The following FAM151A variants were observed in gnomAD, a reference collection of about 807,000 sequenced individuals.
The protein encoded by FAM151A is family with sequence similarity 151 member A.
FAM151A carries 41 observed loss-of-function variants against 40.4 expected under a neutral mutation model. The observed-to-expected ratio is 1.01, with a 90% CI of 0.79 to 1.32. FAM151A has a LOEUF of 1.32. Ranked by LOEUF, FAM151A falls within the 40% of genes most tolerant of loss-of-function variation. The pLI is 0.00. For synonymous variants in FAM151A, 337 were observed against 312.5 expected, an observed-to-expected ratio of 1.08 and a Z score of -0.83; for missense variants, 740 against 740.4, an observed-to-expected ratio of 1.00 and a Z score of 0.01.
chr1:54,616,217 A>G, intron 2 of FAM151A, 45 bp from the exon 3 acceptor site: 1 of 1,537,228 alleles, frequency 6.5e-7, no homozygotes, highest in African/African-American at 1.4e-5. Context: ...TTTTAAAAAA[A>G]GAAAACTTCT....
At chr1:54,621,532 G>T (rs950203077) in intron 1 of FAM151A, 2 of 152,140 alleles carry the variant, frequency 1.3e-5, no homozygotes, top group African/African-American at 4.8e-5. Context: ...GGTTGTGAAT[G>T]GCCTCGAACT....
At chr1:54,619,732 A>G in intron 2 of FAM151A, 132 bp downstream of exon 2, 2 of 929,358 alleles carry the variant, frequency 2.2e-6, no homozygotes, top group Admixed American at 2.3e-5. Context: ...CTGAGCCCCT[A>G]TTTCCTCATG....
rs1277305797 is a variant in FAM151A at position 54,622,021 on chromosome 1, C to A, written c.118+1257G>T. Reference sequence around the variant, plus strand: ...AGGCACAGTGGCTCATGCCTGTAATCCCAGCACTTTGGGAGGCCAAGGTGG... The same window carrying A: ...AGGCACAGTGGCTCATGCCTGTAATACCAGCACTTTGGGAGGCCAAGGTGG... On this transcript the variant is annotated intron_variant, in intron 1 of 7. Coordinates refer to ENST00000302250, the MANE Select transcript of FAM151A (RefSeq NM_176782.3). Among the ~76,000 whole-genome samples, 3 of 152,142 alleles carry A rather than the reference C, an allele frequency of 2.0e-5. No homozygotes were observed. The East Asian group carries it at 5.8e-4, about 29-fold the overall frequency.
Position 54,619,903 on chromosome 1 carries a change from C to A in FAM151A, c.223G>T (p.Ala75Ser), listed in dbSNP as rs745746159. Reference protein sequence around the residue: ...RDALEVTWYHAANSKKAMTAA... With the variant: ...RDALEVTWYHSANSKKAMTAA... Reference sequence around the variant, plus strand: ...GTCATGGCTTTCTTGCTGTTGGCTGCGTGGTACCAGGTGACCTCCAAGGCA... The same window carrying A: ...GTCATGGCTTTCTTGCTGTTGGCTGAGTGGTACCAGGTGACCTCCAAGGCA... Residue 75 changes from alanine (A) to serine (S), a missense_variant, in exon 2 of 8, where the codon GCA becomes TCA. Ala to Ser is a moderately conservative substitution (Grantham distance 99, BLOSUM62 1). Coordinates refer to ENST00000302250, the MANE Select transcript of FAM151A (RefSeq NM_176782.3). The A allele has an allele frequency of 4.3e-6, 7 of 1,614,122 alleles. No individual in the cohort carries two copies. In the East Asian group the frequency reaches 1.6e-4, roughly 36 times the overall value.
In FAM151A at chr1:54,610,441, C is replaced by A; in HGVS notation, c.1055G>T (p.Ser352Ile). The A allele has an allele frequency of 1.2e-6, 2 of 1,613,618 alleles. No homozygotes were observed. The highest frequency in any genetic ancestry group is 1.7e-6 in the Non-Finnish European group (2 of 1,179,718). The change falls in exon 7 of 8, where the codon AGC (serine) becomes ATC (isoleucine). Residue 352 changes from serine (S) to isoleucine (I), a missense_variant. Transcript: ENST00000302250. ...VEWLVPDVQG[S>I]GKTATMTLPD... ...GAGGGTCATTGTTGCTGTTTTACCG[C>A]TGCCCTGGACGTCAGGAACCAGCCA... is the stretch of plus-strand genomic sequence containing the variant.
Position 54,619,979 on chromosome 1 carries a change from A to G in FAM151A, c.147T>C (p.Asp49=), listed in dbSNP as rs905624780. 6.2e-7 allele frequency: 1 copy of G among 1,614,130 alleles called. No homozygotes were observed. Among genetic ancestry groups the G allele is most frequent in the Non-Finnish European group, 8.5e-7 (1 of 1,180,016 alleles). ...TCAGCAGGTAGTCCAGCATGTCGGC[A>G]TCAGGGCTGCAGGCCTCCAGCTCAC... is the stretch of plus-strand genomic sequence containing the variant. ...PGCELEACSP[D]ADMLDYLLSL... Residue 49 remains aspartate, a synonymous_variant, in exon 2 of 8, where the codon GAT becomes GAC. Coordinates refer to ENST00000302250, the MANE Select transcript of FAM151A (RefSeq NM_176782.3).
intron 6 of FAM151A, 48 bp from the exon 7 acceptor site, chr1:54,610,603 C>A: frequency 6.3e-7 from 1 of 1,590,360 alleles, no homozygotes; most frequent in South Asian, 1.1e-5. Context: ...ATTCACAGAA[C>A]ACCTTACCTG....
intron 7 of FAM151A, 31 bp from the exon 8 acceptor site, chr1:54,609,972 A>G (rs1272410777): frequency 6.3e-7 from 1 of 1,583,898 alleles, no homozygotes; most frequent in Non-Finnish European, 8.5e-7. Context: ...AACAGTGTTT[A>G]GGATTTGGGT....
rs374971961 is a variant in FAM151A, at chr1:54,609,263, G to T, written c.*5C>A. 2 of 1,600,692 alleles carry T rather than the reference G, an allele frequency of 1.2e-6. No individual in the cohort carries two copies. Among genetic ancestry groups the T allele is most frequent in the East Asian group, 4.5e-5 (2 of 44,636 alleles). On this transcript the variant is annotated 3_prime_UTR_variant, in exon 8 of 8. Transcript: ENST00000302250. ...GAGGTCCGCTGGCCCACCACCCCTG[G>T]GTGCTCAGTTTCTACCAACATGAGC...
At chr1:54,612,159 G>T (rs1454812500) in intron 5 of FAM151A, among the ~76,000 whole-genome samples, 1 of 151,828 alleles carries the variant, frequency 6.6e-6, no homozygotes, top group East Asian at 1.9e-4. Context: ...GCTATCCTAG[G>T]GCAGGGGTTA....
At chr1:54,623,048 T>A (rs528886898) in intron 1 of FAM151A, among the ~76,000 whole-genome samples, 1 of 150,528 alleles carries the variant, frequency 6.6e-6, no homozygotes, top group African/African-American at 2.4e-5. Flanking sequence ...TGGTGGCGGG[T>A]GCCTGTAATC....
Position 54,609,294 on chromosome 1 carries a change from A to C in FAM151A, c.1732T>G (p.Leu578Val), listed in dbSNP as rs200568107. Reference protein sequence around the residue: ...YRLPQGYHKDLLAHVGRN With the variant: ...YRLPQGYHKDVLAHVGRN ...CAGTTTCTACCAACATGAGCCAGCA[A>C]GTCCTTGTGGTAGCCCTGGGGTAGC... Residue 578 changes from leucine to valine, a missense_variant, in exon 8 of 8, where the codon TTG becomes GTG. Transcript: ENST00000302250. 41 of 1,608,374 alleles carry C rather than the reference A, an allele frequency of 2.5e-5. No individual in the cohort carries two copies. The East Asian group carries it at 9.0e-4, about 35-fold the overall frequency.
chr1:54,613,065 A>C (rs763597443), intron 4 of FAM151A, among the ~76,000 whole-genome samples: 1 of 151,970 alleles, frequency 6.6e-6, no homozygotes, highest in Non-Finnish European at 1.5e-5. Flanking sequence ...GAGTCTCTGA[A>C]GTTTCTCAGG....
intron 6 of FAM151A, 93 bp from the exon 7 acceptor site, chr1:54,610,648 C>A: frequency 6.5e-7 from 1 of 1,528,442 alleles, no homozygotes; most frequent in Non-Finnish European, 8.8e-7. Context: ...GCTCTACGGG[C>A]ATCCTCTCTA....
rs140899430 is a variant in FAM151A, at chr1:54,623,297, G to A, written c.99C>T (p.Ala33=). The A allele has an allele frequency of 5.6e-6, 9 of 1,613,882 alleles. No homozygotes were observed. In the East Asian group the frequency reaches 8.9e-5, roughly 16 times the overall value. ...ACCTACCTGGCCGCCGCAGGGTGAT[G>A]GCAAGGACTATTGCGGCAATGACCA... ...SVVVIAAIVL[A]ITLRRPGCEL... Residue 33 remains alanine, a synonymous_variant, in exon 1 of 8, where the codon GCC becomes GCT. Coordinates refer to ENST00000302250, the MANE Select transcript of FAM151A (RefSeq NM_176782.3).
rs953030741 is a variant in FAM151A at position 54,616,816 on chromosome 1, C to G, written c.263-644G>C. 2.6e-5 allele frequency among the ~76,000 whole-genome samples: 4 copies of G among 152,206 alleles called. No homozygotes were observed. The South Asian group carries it at 8.3e-4, about 32-fold the overall frequency. ...AAAAAAGCAAAAAGCTTCAAAAGCCCTGGTTGAGGGTGTTCACTACTATGT... is the reference window on the plus strand; with the variant it reads ...AAAAAAGCAAAAAGCTTCAAAAGCCGTGGTTGAGGGTGTTCACTACTATGT... On this transcript the variant is annotated intron_variant, in intron 2 of 7. Transcript: ENST00000302250.
rs940614114 is a variant in FAM151A at position 54,609,297 on chromosome 1, C to T, written c.1729G>A (p.Asp577Asn). ...YYRLPQGYHK[D>N]LLAHVGRN Reference sequence around the variant, plus strand: ...TTTCTACCAACATGAGCCAGCAAGTCCTTGTGGTAGCCCTGGGGTAGCCTG... The same window carrying T: ...TTTCTACCAACATGAGCCAGCAAGTTCTTGTGGTAGCCCTGGGGTAGCCTG... The change falls in exon 8 of 8, where the codon GAC becomes AAC. Residue 577 changes from aspartate to asparagine, a missense_variant. Coordinates refer to ENST00000302250, the MANE Select transcript of FAM151A (RefSeq NM_176782.3). 1.2e-6 allele frequency: 2 copies of T among 1,609,456 alleles called. No individual in the cohort carries two copies. Among genetic ancestry groups the T allele is most frequent in the East Asian group, 2.2e-5 (1 of 44,724 alleles).
intron 5 of FAM151A, 98 bp downstream of exon 5, chr1:54,612,388 G>A (rs374611404): frequency 8.3e-6 from 7 of 847,566 alleles, no homozygotes; most frequent in South Asian, 1.6e-5. Context: ...GGGGTTGGAC[G>A]AAATGACCTT....
rs1557668897 is a variant in FAM151A, at chr1:54,610,462, A to T, written c.1034T>A (p.Leu345Gln). 1.2e-6 allele frequency: 2 copies of T among 1,613,072 alleles called. No homozygotes were observed. The highest frequency in any genetic ancestry group is 1.7e-6 in the Non-Finnish European group (2 of 1,179,532). The stretch of plus-strand genomic sequence containing the variant: ...ACCGCTGCCCTGGACGTCAGGAACC[A>T]GCCACTCCACATTCAGACCGTCATC... ...PGDDGLNVEW[L>Q]VPDVQGSGKT... Residue 345 changes from leucine (L) to glutamine (Q), a missense_variant, in exon 7 of 8, where the codon CTG (leucine) becomes CAG (glutamine). Transcript: ENST00000302250.
Sources: allele counts gnomAD v4.1 joint callset (sites outside exome capture counted in the v4.1 genomes callset), GRCh38; gene constraint gnomAD v4.1.1; transcripts MANE v1.5; gene names NCBI Gene and HGNC (gene_info 2026-07-23, HGNC 2026-07-21).